Variants in CFAP46 observed in about 807,000 individuals in gnomAD.
The protein encoded by CFAP46 is cilia- and flagella-associated protein 46.
CFAP46 carries 245 observed loss-of-function variants against 325.7 expected under a neutral mutation model. The observed-to-expected ratio is 0.75, with a 90% CI of 0.68 to 0.84. The LOEUF is 0.84. Among genes scored for constraint, CFAP46 ranks in the 40% least tolerant of loss-of-function variants. CFAP46 has a pLI of 0.00. For missense variants in CFAP46, 3,346 were observed against 3,543.0 expected, an observed-to-expected ratio of 0.94 and a Z score of 1.41; for synonymous variants, 1,523 against 1,495.9, an observed-to-expected ratio of 1.02 and a Z score of -0.42.
In CFAP46 at chr10:132,899,658, G is replaced by T; in HGVS notation, c.2933C>A (p.Ser978Tyr). The T allele has an allele frequency of 1.9e-6, 3 of 1,549,298 alleles. No homozygotes were observed. The highest frequency in any genetic ancestry group is 2.6e-6 in the Non-Finnish European group (3 of 1,146,360). The change falls in exon 23 of 58, where the codon TCC becomes TAC. Residue 978 changes from serine (S) to tyrosine (Y), a missense_variant. Ser to Tyr is a moderately radical substitution (Grantham distance 144). Coordinates refer to ENST00000368586, the MANE Select transcript of CFAP46 (RefSeq NM_001200049.3). ...KYLKKFGPEESRLVAEMLCTA... is the reference protein window; with the variant it reads ...KYLKKFGPEEYRLVAEMLCTA... ...GCACAGCATCTCTGCCACCAGCCGG[G>T]ACTCCTCGCTGCAGGAACAGGGCCA...
chr10:132,858,532 G>A (rs1435903073), intron 38 of CFAP46, among the ~76,000 whole-genome samples: 3 of 152,002 alleles, frequency 2.0e-5, no homozygotes, highest in Non-Finnish European at 2.9e-5. Flanking sequence ...TGGTGGGGAC[G>A]GCTGGCATCA....
Position 132,820,068 on chromosome 10 carries a change from C to T in CFAP46, c.7118-5154G>A, listed in dbSNP as rs985678357. Among the ~76,000 whole-genome samples, 42 of 151,628 alleles carry T rather than the reference C, an allele frequency of 2.8e-4. 1 individual carries two copies. Among genetic ancestry groups the T allele is most frequent in the Admixed American group, 1.6e-3 (25 of 15,240 alleles). On this transcript the variant is annotated intron_variant, in intron 50 of 57. Coordinates refer to ENST00000368586, the MANE Select transcript of CFAP46 (RefSeq NM_001200049.3). ...AAAACCAAACAACCCAATCGAAGAACGGGCCAAGGACCTGAAGGGACATTT... is the reference window on the plus strand; with the variant it reads ...AAAACCAAACAACCCAATCGAAGAATGGGCCAAGGACCTGAAGGGACATTT...
chr10:132,859,197 G>C lies in CFAP46; in HGVS notation c.5249C>G (p.Pro1750Arg). 1 of 1,550,396 alleles carries C rather than the reference G, an allele frequency of 6.4e-7. No individual in the cohort carries two copies. Among genetic ancestry groups the C allele is most frequent in the Non-Finnish European group, 8.7e-7 (1 of 1,147,006 alleles). Residue 1750 changes from proline (P) to arginine (R), a missense_variant, in exon 38 of 58, where the codon CCC (proline) becomes CGC (arginine). Coordinates refer to ENST00000368586, the MANE Select transcript of CFAP46 (RefSeq NM_001200049.3). The stretch of plus-strand genomic sequence containing the variant: ...TTTCAGTAGCAACGAGCACTCTGTG[G>C]GTTCAGTGACCGCTGAGTGCTGCGC... Reference protein sequence around the residue: ...RVAQHSAVTEPTECSLLLKEM... With the variant: ...RVAQHSAVTERTECSLLLKEM...
In CFAP46 at chr10:132,924,854, G is replaced by T. The variant is rs543082298; in HGVS notation, c.1098C>A (p.Val366=). Residue 366 remains valine (V), a synonymous_variant, in exon 11 of 58, where the codon GTC becomes GTA. Coordinates refer to ENST00000368586, the MANE Select transcript of CFAP46 (RefSeq NM_001200049.3). The part of the protein sequence containing the change: ...AQLDIIQRLD[V]ALQRAVRLGD... ...CCAGGCGCACGGCTCGCTGCAGCGC[G>T]ACGTCTAGCCTCTGTATGATATCCA... 29 of 1,428,122 alleles carry T rather than the reference G, an allele frequency of 2.0e-5. No individual in the cohort carries two copies. Among genetic ancestry groups the T allele is most frequent in the Admixed American group, 8.6e-5 (3 of 35,064 alleles). The allele number at this position is 1,428,122 out of a possible 1,614,324, so 88.5% of individuals were successfully genotyped here. A position where few individuals can be genotyped will look rare whatever the true frequency, so the allele number is the denominator to read the frequency against.
At position 132,850,336 on chromosome 10, in the gene CFAP46, G is replaced by A. The variant is rs536385484; in HGVS notation, c.5860C>T (p.Arg1954Trp). The A allele has an allele frequency of 3.1e-3, 4,743 of 1,554,244 alleles. 158 individuals are homozygous for A. In the South Asian group the frequency reaches 0.052, roughly 17 times the overall value. Reference protein sequence around the residue: ...LSVGCVEIRARLLGLAGRALH... With the variant: ...LSVGCVEIRAWLLGLAGRALH... Reference sequence around the variant, plus strand: ...GCCCTCCCGGCCAGGCCCAGGAGCCGGGCGCGGATCTCCACACAGCCCACG... The same window carrying A: ...GCCCTCCCGGCCAGGCCCAGGAGCCAGGCGCGGATCTCCACACAGCCCACG... The change falls in exon 41 of 58, where the codon CGG (arginine) becomes TGG (tryptophan). Residue 1954 changes from arginine (R) to tryptophan (W), a missense_variant. By Grantham distance (101) the Arg-to-Trp change is moderately radical. Coordinates refer to ENST00000368586, the MANE Select transcript of CFAP46 (RefSeq NM_001200049.3).
chr10:132,881,869 C>T (rs561826107), intron 27 of CFAP46, among the ~76,000 whole-genome samples: 45 of 152,386 alleles, frequency 3.0e-4, no homozygotes, highest in Non-Finnish European at 3.4e-4. Flanking sequence ...ATTCAGCCCA[C>T]GAATCTGCTG....
intron 24 of CFAP46, among the ~76,000 whole-genome samples, chr10:132,896,733 G>T (rs894138928): frequency 6.6e-6 from 1 of 152,116 alleles, no homozygotes; most frequent in Non-Finnish European, 1.5e-5. Flanking sequence ...TTTAAAAAAT[G>T]ATCCTCACAT....
chr10:132,936,614 C>T (rs1232437096), intron 7 of CFAP46, among the ~76,000 whole-genome samples: 1 of 148,960 alleles, frequency 6.7e-6, no homozygotes, highest in African/African-American at 2.5e-5. Context: ...CCTCACTCCC[C>T]TTGGCATCCA....
At chr10:132,830,407 G>A (rs1051829168) in intron 50 of CFAP46, among the ~76,000 whole-genome samples, 7 of 152,176 alleles carry the variant, frequency 4.6e-5, no homozygotes, top group African/African-American at 7.2e-5. Context: ...CTCCCAAAGC[G>A]CTGGGATTAC....
At position 132,937,602 on chromosome 10, in the gene CFAP46, A is replaced by G. The variant is rs1332142379; in HGVS notation, c.610T>C (p.Phe204Leu). 2 of 1,613,674 alleles carry G rather than the reference A, an allele frequency of 1.2e-6. No homozygotes were observed. The highest frequency in any genetic ancestry group is 3.3e-5 in the Admixed American group (2 of 60,016). The part of the protein sequence containing the change: ...AARFCSTAAP[F>L]IKSHVPQKYR... ...TTCTGTGGCACGTGAGACTTAATGA[A>G]CGGAGCTGCCGTGGAGCAGAACCTG... Residue 204 changes from phenylalanine to leucine, a missense_variant, in exon 6 of 58, where the codon TTC (phenylalanine) becomes CTC (leucine). Phe to Leu is a conservative substitution (Grantham distance 22, BLOSUM62 0). Transcript: ENST00000368586.
At position 132,810,404 on chromosome 10, in the gene CFAP46, C is replaced by G. The variant is rs1207514545; in HGVS notation, c.7664+5G>C. 2.5e-6 allele frequency: 4 copies of G among 1,613,240 alleles called. No homozygotes were observed. Among genetic ancestry groups the G allele is most frequent in the Non-Finnish European group, 3.4e-6 (4 of 1,179,890 alleles). On this transcript the variant is annotated splice_donor_5th_base_variant and intron_variant, in intron 57 of 57. Transcript: ENST00000368586. The stretch of plus-strand genomic sequence containing the variant: ...GCCGCGGGGTGCAGGCCGCCCCTCC[C>G]TTACCTTGGTTCACCGCCTCGTCGC...
intron 20 of CFAP46, 81 bp from the exon 21 acceptor site, chr10:132,909,325 G>A: frequency 1.0e-6 from 1 of 986,994 alleles, no homozygotes; most frequent in Admixed American, 2.0e-5. Context: ...ACACTGCAAG[G>A]TATTAGTTTT....
chr10:132,867,555 A>G, intron 33 of CFAP46, 48 bp from the exon 34 acceptor site: 5 of 1,538,894 alleles, frequency 3.2e-6, no homozygotes, highest in Non-Finnish European at 4.4e-6. Context: ...TGGCCACGAA[A>G]ATGTCCCTTC....
At chr10:132,873,924 T>A (rs904425639) in intron 31 of CFAP46, among the ~76,000 whole-genome samples, 2 of 152,096 alleles carry the variant, frequency 1.3e-5, no homozygotes, top group African/African-American at 2.4e-5. Flanking sequence ...ACACAACCTA[T>A]GAAAACTGTT....
intron 57 of CFAP46, among the ~76,000 whole-genome samples, chr10:132,809,727 G>A (rs914075715): frequency 7.2e-5 from 11 of 152,062 alleles, no homozygotes; most frequent in South Asian, 2.1e-4. Flanking sequence ...CCGCCTCACC[G>A]TGGCAGGAGG....
In CFAP46 at chr10:132,866,204, C is replaced by T. The variant is rs888717259; in HGVS notation, c.4744-33G>A. The T allele has an allele frequency of 2.0e-6, 3 of 1,480,616 alleles. No homozygotes were observed. In the African/African-American group the frequency reaches 4.2e-5, roughly 21 times the overall value. 91.7% of individuals were successfully genotyped at this position (1,480,616 alleles called of 1,614,324 possible). On this transcript the variant is annotated intron_variant, in intron 34 of 57. Transcript: ENST00000368586. ...ATACCGCAGCCCCAGGCGGCACGAT[C>T]CTGACACTTGTGACCTCTGAGTCTC...
rs543783544 is a variant in CFAP46, at chr10:132,821,564, G to T, written c.7118-6650C>A. 2.8e-3 allele frequency among the ~76,000 whole-genome samples: 374 copies of T among 135,972 alleles called. 2 individuals carry two copies. The highest frequency in any genetic ancestry group is 0.01 in the African/African-American group (354 of 34,418). The allele number at this position is 135,972 out of a possible 152,430, so 89.2% of individuals were successfully genotyped here. A position where few individuals can be genotyped will look rare whatever the true frequency, so the allele number is the denominator to read the frequency against. On this transcript the variant is annotated intron_variant, in intron 50 of 57. Coordinates refer to ENST00000368586, the MANE Select transcript of CFAP46 (RefSeq NM_001200049.3). ...TGTGTGCTGTGTGCTGACGTGTGCT[G>T]TGTGTGCGCTGATGTGTGCTGTGTG...
intron 44 of CFAP46, among the ~76,000 whole-genome samples, chr10:132,839,454 G>A (rs548378144): frequency 2.0e-5 from 3 of 152,298 alleles, no homozygotes; most frequent in Middle Eastern, 3.4e-3. Flanking sequence ...GGAGCCTCTC[G>A]GCCCACACAC....
chr10:132,825,314 C>T (rs1012928181), intron 50 of CFAP46, among the ~76,000 whole-genome samples: 8 of 149,326 alleles, frequency 5.4e-5, no homozygotes, highest in East Asian at 2.0e-4. Flanking sequence ...TGATGTGTGC[C>T]GTGTGCACTG....
Sources: gnomAD v4.1 joint callset for allele counts (sites outside exome capture counted in the v4.1 genomes callset) on GRCh38, gnomAD v4.1.1 for gene constraint, MANE v1.5 for transcripts, NCBI Gene and HGNC (gene_info 2026-07-23, HGNC 2026-07-21) for gene names.